The following INPP4B variants were observed in gnomAD, a reference collection of about 807,000 sequenced individuals.
INPP4B encodes inositol polyphosphate 4-phosphatase type II.
A neutral mutation model predicts 122.5 loss-of-function variants in INPP4B; 55 were observed. The ratio of observed to expected loss-of-function variants is 0.45; its 90% CI spans 0.36 to 0.56. The LOEUF is 0.56. Ranked by LOEUF, INPP4B falls within the 20% of genes least tolerant of loss-of-function variation. INPP4B has a pLI of 0.00. For missense variants in INPP4B, 1,000 were observed against 1,097.7 expected (o/e 0.91, Z 1.26); for synonymous variants, 403 against 388.7 (o/e 1.04, Z -0.43).
chr4:142,136,290 G>A (rs1398177630), intron 18 of INPP4B, among the ~76,000 whole-genome samples: 1 of 152,204 alleles, frequency 6.6e-6, no homozygotes, highest in Non-Finnish European at 1.5e-5. Flanking sequence ...GAACCCTGCA[G>A]AACTGCAAGT....
chr4:142,473,387 G>C (rs1819229414), intron 2 of INPP4B: 1 of 152,410 alleles, frequency 6.6e-6, no homozygotes, highest in East Asian at 1.9e-4. Context: ...TCTCCAAAAT[G>C]GAAAAGGATG....
At chr4:142,228,430 T>A (rs924880995) in intron 12 of INPP4B, among the ~76,000 whole-genome samples, 1 of 152,076 alleles carries the variant, frequency 6.6e-6, no homozygotes, top group Non-Finnish European at 1.5e-5. Flanking sequence ...AAAAAATGAA[T>A]ATCCAAAGCT....
chr4:142,813,061 G>A (rs568846221), intron 1 of INPP4B, among the ~76,000 whole-genome samples: 9 of 152,166 alleles, frequency 5.9e-5, no homozygotes, highest in South Asian at 2.1e-4. Context: ...TGTTGAACAC[G>A]AAATTTAAAA....
At chr4:142,759,545 G>C (rs964972237) in intron 1 of INPP4B, among the ~76,000 whole-genome samples, 1 of 151,916 alleles carries the variant, frequency 6.6e-6, no homozygotes, top group Non-Finnish European at 1.5e-5. Context: ...TACTTAAAAT[G>C]TTCTGCTTTG....
At chr4:142,280,135 A>C (rs1490895411) in intron 9 of INPP4B, among the ~76,000 whole-genome samples, 2 of 151,950 alleles carry the variant, frequency 1.3e-5, no homozygotes, top group African/African-American at 4.8e-5. Flanking sequence ...AAAACAGCTC[A>C]GCTGCTTTTT....
chr4:142,583,030 C>A (rs1284162175), intron 2 of INPP4B, among the ~76,000 whole-genome samples: 1 of 152,066 alleles, frequency 6.6e-6, no homozygotes, highest in Non-Finnish European at 1.5e-5. Flanking sequence ...CTCACCTTTA[C>A]TAGTTTATTA....
At chr4:142,227,317 A>T (rs1470103718) in intron 12 of INPP4B, among the ~76,000 whole-genome samples, 1 of 152,134 alleles carries the variant, frequency 6.6e-6, no homozygotes, top group African/African-American at 2.4e-5. Context: ...GTTTCCAAGA[A>T]GCAGGTGAAT....
At chr4:142,626,268 G>T (rs1746370612) in intron 2 of INPP4B, among the ~76,000 whole-genome samples, 7 of 152,058 alleles carry the variant, frequency 4.6e-5, no homozygotes, top group Admixed American at 4.6e-4. Flanking sequence ...CCATGGTTAG[G>T]TTAATAATCA....
chr4:142,693,024 G>T (rs1364912149), intron 2 of INPP4B, among the ~76,000 whole-genome samples: 1 of 150,756 alleles, frequency 6.6e-6, no homozygotes, highest in Non-Finnish European at 1.5e-5. Context: ...AAAAAAAAGA[G>T]AAATTAACAG....
intron 7 of INPP4B, among the ~76,000 whole-genome samples, chr4:142,374,831 T>C (rs1169113001): frequency 6.6e-6 from 1 of 151,854 alleles, no homozygotes; most frequent in Non-Finnish European, 1.5e-5. Flanking sequence ...TATTTCTCAT[T>C]TGGTAAATTG....
intron 2 of INPP4B, among the ~76,000 whole-genome samples, chr4:142,655,923 C>A (rs1323736411): frequency 3.3e-5 from 5 of 152,142 alleles, no homozygotes; most frequent in African/African-American, 1.2e-4. Flanking sequence ...TTGACAGTGA[C>A]ATAATGACAT....
chr4:142,389,001 C>T (rs1453016871), intron 7 of INPP4B, among the ~76,000 whole-genome samples: 1 of 151,996 alleles, frequency 6.6e-6, no homozygotes, highest in Non-Finnish European at 1.5e-5. Context: ...ACCTGTTATC[C>T]CAGGACTTTG....
intron 1 of INPP4B, among the ~76,000 whole-genome samples, chr4:142,754,733 T>C (rs55780736): frequency 0.025 from 3,785 of 151,986 alleles, 71 homozygotes; most frequent in Non-Finnish European, 0.041. Context: ...GATTGGAAAC[T>C]CATTCCTGAT....
intron 16 of INPP4B, among the ~76,000 whole-genome samples, chr4:142,165,092 T>G (rs1822069177): frequency 6.6e-6 from 1 of 151,792 alleles, no homozygotes. Context: ...TAAATCCATC[T>G]CTATCCATCT....
chr4:142,303,211 G>T (rs923370018), intron 9 of INPP4B, among the ~76,000 whole-genome samples: 1 of 152,024 alleles, frequency 6.6e-6, no homozygotes, highest in Non-Finnish European at 1.5e-5. Context: ...CACAGTGCTC[G>T]GTCGAATTAG....
intron 2 of INPP4B, among the ~76,000 whole-genome samples, chr4:142,526,640 A>T (rs1223088188): frequency 6.6e-6 from 1 of 152,096 alleles, no homozygotes; most frequent in East Asian, 1.9e-4. Flanking sequence ...TCTTTGTAAC[A>T]TCCGTAAATC....
chr4:142,419,862 C>G (rs1421518061), intron 5 of INPP4B, among the ~76,000 whole-genome samples: 1 of 152,046 alleles, frequency 6.6e-6, no homozygotes, highest in African/African-American at 2.4e-5. Context: ...GGGGACCTCT[C>G]TCTCTCCCAA....
chr4:142,543,479 C>T lies in INPP4B; in HGVS notation c.-190-80753G>A, dbSNP rs137991819. Among the ~76,000 whole-genome samples the T allele has an allele frequency of 7.2e-5, 11 of 152,250 alleles. No individual in the cohort carries two copies. The East Asian group carries it at 2.1e-3, about 29-fold the overall frequency. ...AGAAAATGAAACGAAACTTTACTTT[C>T]TGACGGAGCTAAATCCATTAGTAAA... On this transcript the variant is annotated intron_variant, in intron 2 of 25. Coordinates refer to ENST00000262992, the MANE Select transcript of INPP4B (RefSeq NM_001101669.3).
chr4:142,228,749 T>C (rs1287251740), intron 12 of INPP4B, among the ~76,000 whole-genome samples: 1 of 151,698 alleles, frequency 6.6e-6, no homozygotes, highest in Non-Finnish European at 1.5e-5. Context: ...AGATAATATT[T>C]GAAAAATATA....
Sources: allele counts gnomAD v4.1 joint callset (sites outside exome capture counted in the v4.1 genomes callset), GRCh38; gene constraint gnomAD v4.1.1; transcripts MANE v1.5; gene names NCBI Gene and HGNC (gene_info 2026-07-23, HGNC 2026-07-21).